KCNH5: variants seen among roughly 807,000 people sequenced by gnomAD.
KCNH5 encodes the protein voltage-gated delayed rectifier potassium channel KCNH5.
A neutral mutation model predicts 96.1 loss-of-function variants in KCNH5; 46 were observed. The ratio of observed to expected loss-of-function variants is 0.48; its 90% confidence interval spans 0.38 to 0.61. KCNH5 has a LOEUF of 0.61. KCNH5 is among the 20% of genes least tolerant of loss of function. The pLI is 0.00. For synonymous variants in KCNH5, 439 were observed against 449.8 expected (o/e 0.98, Z 0.30); for missense variants, 907 against 1,225.8 (o/e 0.74, Z 3.88).
intron 4 of KCNH5, among the ~76,000 whole-genome samples, chr14:62,992,114 A>C (rs998140268): frequency 6.6e-6 from 1 of 152,044 alleles, no homozygotes; most frequent in Non-Finnish European, 1.5e-5. Flanking sequence ...TTCACTTAAG[A>C]TAACGGATTC....
At chr14:62,791,794 T>C (rs550870271) in intron 9 of KCNH5, among the ~76,000 whole-genome samples, 2 of 151,706 alleles carry the variant, frequency 1.3e-5, no homozygotes, top group South Asian at 2.1e-4. Flanking sequence ...ATGGACTTGA[T>C]GGAAAAAATG....
intron 6 of KCNH5, 24 bp from the exon 7 acceptor site, chr14:62,950,583 ATTACACCACATTTTCAGG>A: frequency 7.2e-7 from 1 of 1,385,346 alleles, no homozygotes; most frequent in Non-Finnish European, 9.7e-7. Context: ...AAAAAAAAAA[ATTACACCACATTTTCAGG>A]AAAAAAAAAG....
intron 8 of KCNH5, among the ~76,000 whole-genome samples, chr14:62,829,740 C>T (rs567355024): frequency 1.3e-5 from 2 of 152,288 alleles, no homozygotes; most frequent in African/African-American, 4.8e-5. Flanking sequence ...TCCCTGAAGA[C>T]ATTTTCCCCA....
rs558223639 is a variant in KCNH5, at chr14:63,045,236, T to C, written c.-50A>G. On this transcript the variant is annotated 5_prime_UTR_variant, in exon 1 of 11. Transcript: ENST00000322893. ...GGATCCGCGGCGGGGGAGGGGGGGA[T>C]GCAGGCAAAGAAGGTGGAGGAAGAG... is the stretch of plus-strand genomic sequence containing the variant. 5.4e-5 allele frequency: 76 copies of C among 1,394,606 alleles called. 2 individuals carry two copies. In the South Asian group the frequency reaches 7.0e-4, roughly 13 times the overall value. 86.4% of individuals were successfully genotyped at this position (1,394,606 alleles called of 1,614,324 possible). A position where few individuals can be genotyped will look rare whatever the true frequency, so the allele number is the denominator to read the frequency against.
At chr14:62,972,999 C>T (rs79694527) in intron 6 of KCNH5, among the ~76,000 whole-genome samples, 2,065 of 152,210 alleles carry the variant, frequency 0.014, 42 homozygotes, top group African/African-American at 0.046. Flanking sequence ...CCACTAGAAA[C>T]GATCAACTTT....
intron 8 of KCNH5, among the ~76,000 whole-genome samples, chr14:62,817,948 T>C (rs1461557532): frequency 1.3e-5 from 2 of 149,974 alleles, no homozygotes; most frequent in East Asian, 3.9e-4. Context: ...GCATGGAATC[T>C]TGCCATTTGT....
chr14:62,956,293 A>G lies in KCNH5; in HGVS notation c.943-5734T>C, dbSNP rs772954056. Among the ~76,000 whole-genome samples, 42 of 152,158 alleles carry G rather than the reference A, an allele frequency of 2.8e-4. 1 individual carries two copies. Among genetic ancestry groups the G allele is most frequent in the Admixed American group, 6.5e-4 (10 of 15,270 alleles). Reference sequence around the variant, plus strand: ...GTATGATTCCATTTCTGAAGAGTTCAGAAACAGATGGAACTACTCCATGGG... The same window carrying G: ...GTATGATTCCATTTCTGAAGAGTTCGGAAACAGATGGAACTACTCCATGGG... On this transcript the variant is annotated intron_variant, in intron 6 of 10. Transcript: ENST00000322893.
In KCNH5 at chr14:62,802,763, A is replaced by C. The variant is rs1595629422; in HGVS notation, c.1570-182T>G. Among the ~76,000 whole-genome samples the C allele has an allele frequency of 3.9e-5, 6 of 152,288 alleles. No homozygotes were observed. In the South Asian group the frequency reaches 1.2e-3, roughly 32 times the overall value. On this transcript the variant is annotated intron_variant, in intron 8 of 10. Coordinates refer to ENST00000322893, the MANE Select transcript of KCNH5 (RefSeq NM_139318.5). ...TCCGCTCTCAAGGAGGTAATAATCC[A>C]CTGAGATGGGCTGATGAGCATATGG...
At chr14:62,807,589 T>A (rs1595631573) in intron 8 of KCNH5, among the ~76,000 whole-genome samples, 1 of 152,238 alleles carries the variant, frequency 6.6e-6, no homozygotes, top group South Asian at 2.1e-4. Flanking sequence ...CTTTTAAAAA[T>A]TGTTAAATTT....
At chr14:62,955,126 T>C (rs1403577353) in intron 6 of KCNH5, among the ~76,000 whole-genome samples, 4 of 148,558 alleles carry the variant, frequency 2.7e-5, no homozygotes, top group Non-Finnish European at 5.9e-5. Flanking sequence ...TATTAGGAAA[T>C]GTGAAAGGAA....
intron 10 of KCNH5, among the ~76,000 whole-genome samples, chr14:62,729,231 T>C (rs904304303): frequency 6.6e-6 from 1 of 152,170 alleles, no homozygotes; most frequent in Admixed American, 6.5e-5. Flanking sequence ...AAATAACAGC[T>C]ATAGCTTGAT....
Position 62,877,801 on chromosome 14 carries a change from T to G in KCNH5, c.1370-27949A>C, listed in dbSNP as rs544954393. On this transcript the variant is annotated intron_variant, in intron 7 of 10. Transcript: ENST00000322893. ...AGTCAGTGTGGTGATTCCTCAGGGA[T>G]CTAGAACTTGAAATACCATTTGATC... Among the ~76,000 whole-genome samples, 11 of 151,970 alleles carry G rather than the reference T, an allele frequency of 7.2e-5. No homozygotes were observed. The East Asian group carries it at 2.1e-3, about 29-fold the overall frequency.
intron 7 of KCNH5, among the ~76,000 whole-genome samples, chr14:62,864,521 T>C (rs772763983): frequency 6.6e-6 from 1 of 152,202 alleles, no homozygotes; most frequent in African/African-American, 2.4e-5. Flanking sequence ...GAACCAAGTA[T>C]GCCCAAAGAA....
chr14:62,820,572 T>C (rs1887094278), intron 8 of KCNH5, among the ~76,000 whole-genome samples: 1 of 152,128 alleles, frequency 6.6e-6, no homozygotes, highest in Non-Finnish European at 1.5e-5. Context: ...CTCTCCCTTA[T>C]AAGTGAGAAC....
intron 6 of KCNH5, among the ~76,000 whole-genome samples, chr14:62,954,386 T>C (rs1252288774): frequency 2.6e-5 from 4 of 152,232 alleles, no homozygotes; most frequent in South Asian, 2.1e-4. Context: ...TCTGTTTGCA[T>C]GTATGACATT....
At chr14:62,720,346 C>T (rs1029222032) in intron 10 of KCNH5, among the ~76,000 whole-genome samples, 1 of 152,108 alleles carries the variant, frequency 6.6e-6, no homozygotes, top group African/African-American at 2.4e-5. Context: ...CACTTCCACT[C>T]ACACATTGAA....
At position 62,813,050 on chromosome 14, in the gene KCNH5, T is replaced by A. The variant is rs546241842; in HGVS notation, c.1570-10469A>T. Among the ~76,000 whole-genome samples, 24 of 152,234 alleles carry A rather than the reference T, an allele frequency of 1.6e-4. No individual in the cohort carries two copies. The South Asian group carries it at 3.7e-3, about 24-fold the overall frequency. On this transcript the variant is annotated intron_variant, in intron 8 of 10. Transcript: ENST00000322893. ...TACAACAAATAACCTTGTACCTATA[T>A]CAGATTGTCTAAGCACAAATTTTTA...
At position 62,790,210 on chromosome 14, in the gene KCNH5, G is replaced by A. The variant is rs150850718; in HGVS notation, c.1823-10286C>T. Among the ~76,000 whole-genome samples, 446 of 151,832 alleles carry A rather than the reference G, an allele frequency of 2.9e-3. 4 individuals are homozygous for A. The highest frequency in any genetic ancestry group is 0.01 in the African/African-American group (425 of 41,498). On this transcript the variant is annotated intron_variant, in intron 9 of 10. Transcript: ENST00000322893. ...CACCCTTGTTGAAAATTAGTTGACC[G>A]TATATGTTTGGATTTATTTCTGGGC...
At position 63,035,825 on chromosome 14, in the gene KCNH5, A is replaced by G. The variant is rs190026606; in HGVS notation, c.73+9289T>C. 2.8e-3 allele frequency among the ~76,000 whole-genome samples: 423 copies of G among 152,304 alleles called. 2 individuals are homozygous for G. The highest frequency in any genetic ancestry group is 9.7e-3 in the African/African-American group (404 of 41,558). On this transcript the variant is annotated intron_variant, in intron 1 of 10. Transcript: ENST00000322893. ...ATCTCCCCTACCTTACCTTATCTAGAGTAAGTCCTTACTGAGATGATCCAC... is the reference window on the plus strand; with the variant it reads ...ATCTCCCCTACCTTACCTTATCTAGGGTAAGTCCTTACTGAGATGATCCAC...
Sources: allele counts gnomAD v4.1 joint callset (sites outside exome capture counted in the v4.1 genomes callset), GRCh38; gene constraint gnomAD v4.1.1; transcripts MANE v1.5; gene names NCBI Gene and HGNC (gene_info 2026-07-23, HGNC 2026-07-21).